Variants in FTO observed in about 807,000 individuals in gnomAD.
FTO encodes alpha-ketoglutarate-dependent dioxygenase FTO.
FTO carries 47 observed loss-of-function variants against 63.9 expected under a neutral mutation model. The observed-to-expected ratio is 0.74, with a 90% CI of 0.58 to 0.94. The LOEUF is 0.94. Among genes scored for constraint, FTO ranks in the 40% least tolerant of loss-of-function variants. The pLI, the probability that FTO is intolerant of heterozygous loss-of-function variation, is 0.00. For synonymous variants in FTO, 207 were observed against 224.4 expected (o/e 0.92, Z 0.69); for missense variants, 562 against 618.1 (o/e 0.91, Z 0.96).
intron 8 of FTO, among the ~76,000 whole-genome samples, chr16:54,086,846 G>A (rs1400721761): frequency 6.6e-6 from 1 of 152,218 alleles, no homozygotes; most frequent in African/African-American, 2.4e-5. Context: ...AAACACTTAG[G>A]GGAGGGGTCG....
intron 8 of FTO, among the ~76,000 whole-genome samples, chr16:53,986,983 A>G (rs2083681729): frequency 6.6e-6 from 1 of 152,206 alleles, no homozygotes; most frequent in Non-Finnish European, 1.5e-5. Flanking sequence ...TAGCAATTTA[A>G]ATGAAAATGT....
Position 53,990,452 on chromosome 16 carries a change from A to G in FTO, c.1364+56343A>G, listed in dbSNP as rs115146845. On this transcript the variant is annotated intron_variant, in intron 8 of 8. Coordinates refer to ENST00000471389, the MANE Select transcript of FTO (RefSeq NM_001080432.3). The stretch of plus-strand genomic sequence containing the variant: ...CCTTGTGGTGTAGTTTCTGACTTCA[A>G]TTGTAGGTCACTTGCTGCCCTCACA... Among the ~76,000 whole-genome samples the G allele has an allele frequency of 9.6e-3, 1,454 of 152,092 alleles. 22 individuals carry two copies. The highest frequency in any genetic ancestry group is 0.031 in the African/African-American group (1,290 of 41,484).
intron 8 of FTO, among the ~76,000 whole-genome samples, chr16:53,935,228 G>T (rs1490716315): frequency 6.6e-6 from 1 of 152,104 alleles, no homozygotes; most frequent in African/African-American, 2.4e-5. Context: ...AATTCTATGT[G>T]CCTGGAAGTC....
intron 7 of FTO, among the ~76,000 whole-genome samples, chr16:53,891,346 C>CTTTTT (rs5816910): frequency 6.8e-6 from 1 of 147,340 alleles, no homozygotes. Context: ...TGTTCAAGAG[C>CTTTTT]TTTTTTTTTT....
chr16:53,972,685 C>A (rs1281249392), intron 8 of FTO, among the ~76,000 whole-genome samples: 1 of 152,180 alleles, frequency 6.6e-6, no homozygotes, highest in Non-Finnish European at 1.5e-5. Flanking sequence ...TGCGTGGTTC[C>A]CAGAGGCTGT....
At chr16:53,899,010 A>C (rs1041244480) in intron 7 of FTO, among the ~76,000 whole-genome samples, 1 of 152,188 alleles carries the variant, frequency 6.6e-6, no homozygotes, top group Non-Finnish European at 1.5e-5. Flanking sequence ...TTTTCCTAAA[A>C]TATTACCTCT....
chr16:53,714,172 G>A (rs2075841304), intron 1 of FTO, among the ~76,000 whole-genome samples: 1 of 152,228 alleles, frequency 6.6e-6, no homozygotes, highest in Non-Finnish European at 1.5e-5. Context: ...GAGGAGATTT[G>A]TTGCCAGAGC....
intron 8 of FTO, among the ~76,000 whole-genome samples, chr16:53,974,216 C>A (rs2083388671): frequency 6.6e-6 from 1 of 152,118 alleles, no homozygotes; most frequent in African/African-American, 2.4e-5. Context: ...CAGTTTTTTT[C>A]ACCTGTAAGA....
chr16:53,797,715 T>C (rs2032289403), intron 1 of FTO, among the ~76,000 whole-genome samples: 1 of 152,138 alleles, frequency 6.6e-6, no homozygotes, highest in Non-Finnish European at 1.5e-5. Flanking sequence ...ATATATATTT[T>C]TATGAAAGTT....
intron 8 of FTO, among the ~76,000 whole-genome samples, chr16:53,974,319 T>C (rs1357311619): frequency 2.0e-5 from 3 of 152,260 alleles, no homozygotes; most frequent in South Asian, 2.1e-4. Flanking sequence ...ATAAATAACA[T>C]AAAAATGCAA....
At chr16:53,883,646 A>AAAAAAAAAC (rs1555489016) in intron 6 of FTO, among the ~76,000 whole-genome samples, 13 of 135,766 alleles carry the variant, frequency 9.6e-5, no homozygotes, top group African/African-American at 2.7e-4. Context: ...CAAAAAAAAA[A>AAAAAAAAAC]AAACAAATTT....
intron 8 of FTO, among the ~76,000 whole-genome samples, chr16:54,077,662 C>T (rs547412163): frequency 5.8e-4 from 89 of 152,142 alleles, no homozygotes; most frequent in Non-Finnish European, 1.2e-3. Flanking sequence ...CTCAGTCAGG[C>T]AGGCAAGTGT....
Position 54,079,759 on chromosome 16 carries a change from C to T in FTO, c.1365-32003C>T, listed in dbSNP as rs901373125. ...TATGTCCTATCTAAGGAGGCAGTCG[C>T]GACTCGGCTCTGGCCAGTTACCGTC... On this transcript the variant is annotated intron_variant, in intron 8 of 8. Coordinates refer to ENST00000471389, the MANE Select transcript of FTO (RefSeq NM_001080432.3). Among the ~76,000 whole-genome samples, 4 of 152,284 alleles carry T rather than the reference C, an allele frequency of 2.6e-5. No homozygotes were observed. The South Asian group carries it at 6.2e-4, about 24-fold the overall frequency.
intron 1 of FTO, among the ~76,000 whole-genome samples, chr16:53,739,457 G>A (rs924426877): frequency 3.3e-5 from 5 of 149,294 alleles, no homozygotes; most frequent in Non-Finnish European, 7.4e-5. Context: ...CTTGTGATCC[G>A]CCCGCCTTGG....
chr16:53,902,879 T>C (rs2081437597), intron 7 of FTO, among the ~76,000 whole-genome samples: 1 of 152,186 alleles, frequency 6.6e-6, no homozygotes, highest in African/African-American at 2.4e-5. Context: ...TTAGAGAGAC[T>C]GAGGGGCGAG....
chr16:53,804,365 A>C (rs2078299959), intron 1 of FTO, among the ~76,000 whole-genome samples: 1 of 152,216 alleles, frequency 6.6e-6, no homozygotes, highest in East Asian at 1.9e-4. Context: ...GTGTCCTTAC[A>C]GATGAGGAAA....
intron 3 of FTO, among the ~76,000 whole-genome samples, chr16:53,835,710 G>T (rs755637686): frequency 6.6e-5 from 10 of 151,908 alleles, no homozygotes; most frequent in Non-Finnish European, 1.0e-4. Context: ...ACATTTTCTT[G>T]AATTGCTTTG....
intron 7 of FTO, among the ~76,000 whole-genome samples, chr16:53,904,167 A>G (rs2081478009): frequency 6.6e-6 from 1 of 152,034 alleles, no homozygotes; most frequent in Non-Finnish European, 1.5e-5. Context: ...TCACCAGTGC[A>G]GTGTATCATC....
intron 8 of FTO, among the ~76,000 whole-genome samples, chr16:54,073,573 G>A (rs1599319599): frequency 6.6e-6 from 1 of 151,170 alleles, no homozygotes; most frequent in African/African-American, 2.4e-5. Flanking sequence ...AGGAAAGCTA[G>A]TGGTTACTGG....
Sources: gnomAD v4.1 joint callset for allele counts (sites outside exome capture counted in the v4.1 genomes callset) on GRCh38, gnomAD v4.1.1 for gene constraint, MANE v1.5 for transcripts, NCBI Gene and HGNC (gene_info 2026-07-23, HGNC 2026-07-21) for gene names.